Variants in WDR86 observed in about 807,000 individuals in gnomAD.
WDR86 encodes WD repeat-containing protein 86.
In WDR86, 30 loss-of-function variants were observed where a neutral mutation model predicts 36.5. The observed-to-expected ratio is 0.82, with a 90% CI of 0.61 to 1.11. The LOEUF is 1.11. Ranked by LOEUF, WDR86 falls within the 50% of genes most tolerant of loss-of-function variation. The probability of loss-of-function intolerance (pLI) is 0.00; values close to 1 mark genes in which losing one functional copy is unlikely to be tolerated. For synonymous variants in WDR86, 255 were observed against 252.9 expected (o/e 1.01, Z -0.08); for missense variants, 545 against 561.2 (o/e 0.97, Z 0.29).
At chr7:151,402,195 G>T (rs1036205615) in intron 1 of WDR86, among the ~76,000 whole-genome samples, 174 of 150,848 alleles carry the variant, frequency 1.2e-3, no homozygotes, top group African/African-American at 4.1e-3. Context: ...ACGAGCGCAG[G>T]AATGCCAGCA....
At chr7:151,394,830 T>G (rs1799692363) in intron 3 of WDR86, among the ~76,000 whole-genome samples, 1 of 152,216 alleles carries the variant, frequency 6.6e-6, no homozygotes, top group Admixed American at 6.5e-5. Flanking sequence ...CTCCTGCATC[T>G]GCAGGAAAGG....
intron 1 of WDR86, among the ~76,000 whole-genome samples, chr7:151,402,072 T>TATATATATATATATATATATATATAG (rs1563064814): frequency 1.5e-4 from 7 of 45,948 alleles, no homozygotes; most frequent in African/African-American, 8.0e-4. Context: ...AAAAAAAAAA[T>TATATATATATATATATATATATATAG]ATATATATAT....
chr7:151,376,692 G>A (rs1440911882), downstream of WDR86: 6 of 1,610,382 alleles, frequency 3.7e-6, no homozygotes, highest in South Asian at 6.6e-5. Context: ...GTGTTCAGAG[G>A]CAACGTCCAG....
Position 151,381,923 on chromosome 7 carries a change from C to A in WDR86, c.921G>T (p.Leu307=). ...ATGTGTGGCCCCGGAACACCCTCCG[C>A]AGCTCTCCAGACTGCGCGTCGAAGG... The part of the protein sequence containing the change: ...ARAFDAQSGE[L]RRVFRGHTFI... The change falls in exon 5 of 6, where the codon CTG becomes CTT. Residue 307 remains leucine (L), a synonymous_variant. Transcript: ENST00000334493. This position sits in a 1 kb window ranked among gnomAD's most constrained non-coding sequence, Gnocchi z 4.8. 1 of 1,610,632 alleles carries A rather than the reference C, an allele frequency of 6.2e-7. No homozygotes were observed. The highest frequency in any genetic ancestry group is 8.5e-7 in the Non-Finnish European group (1 of 1,178,916).
At chr7:151,384,525 G>A (rs544152530) in intron 4 of WDR86, among the ~76,000 whole-genome samples, 1 of 152,186 alleles carries the variant, frequency 6.6e-6, no homozygotes, top group East Asian at 1.9e-4. Context: ...GAATCATGAG[G>A]CTTCTTTAAA....
Position 151,385,156 on chromosome 7 carries a change from C to G in WDR86, c.794G>C (p.Gly265Ala). The G allele has an allele frequency of 6.2e-7, 1 of 1,613,172 alleles. No individual in the cohort carries two copies. The highest frequency in any genetic ancestry group is 1.3e-5 in the African/African-American group (1 of 75,056). ...RTVKCWLADT[G>A]ECVRTFTAHR... is the part of the protein sequence containing the mutation. ...GGCCGTGAACGTGCGCACACACTCC[C>G]CTGTGTCTGCCAGCCAGCACTTGAC... is the stretch of plus-strand genomic sequence containing the variant. Residue 265 changes from glycine to alanine, a missense_variant, in exon 4 of 6, where the codon GGG (glycine) becomes GCG (alanine). By Grantham distance (60) the Gly-to-Ala change is moderately conservative (BLOSUM62 0). Transcript: ENST00000334493.
intron 3 of WDR86, chr7:151,385,437 C>T (rs2150757763): frequency 1.3e-6 from 1 of 782,074 alleles, no homozygotes; most frequent in Non-Finnish European, 2.0e-6. Context: ...AGTGCTCCAA[C>T]AGGGCTGGCC....
chr7:151,390,347 C>CT lies in WDR86; in HGVS notation c.727-5125dup, dbSNP rs996132906. 8.5e-5 allele frequency among the ~76,000 whole-genome samples: 13 copies of CT among 152,184 alleles called. No homozygotes were observed. Among genetic ancestry groups the CT allele is most frequent in the Non-Finnish European group, 1.6e-4 (11 of 68,020 alleles). ...CAGGGGCAGCCATCGTGTGTCCCCACTTGGCAGATTGTGAAAAAGGAGTCC... is the reference window on the plus strand; with the variant it reads ...CAGGGGCAGCCATCGTGTGTCCCCACTTTGGCAGATTGTGAAAAAGGAGTCC... On this transcript the variant is annotated intron_variant, in intron 3 of 5. Transcript: ENST00000334493. The surrounding 1 kb of genome is among the most constrained non-coding windows in gnomAD (Gnocchi z 4.5).
chr7:151,409,768 C>T lies in WDR86; in HGVS notation c.-179G>A. The T allele has an allele frequency of 7.8e-7, 1 of 1,276,964 alleles. No individual in the cohort carries two copies. Among genetic ancestry groups the T allele is most frequent in the East Asian group, 3.2e-5 (1 of 31,204 alleles). 79.1% of individuals were successfully genotyped at this position (1,276,964 alleles called of 1,614,324 possible). On this transcript the variant is annotated 5_prime_UTR_variant, in exon 1 of 6. Coordinates refer to ENST00000334493, the MANE Select transcript of WDR86 (RefSeq NM_198285.3). The surrounding 1 kb of genome is among the most constrained non-coding windows in gnomAD (Gnocchi z 5.2). ...AAGGACCCTAGCTCCCCGCTGCCTC[C>T]AGCCTCTGGGCCCGCGAACCCAGGG...
At chr7:151,370,812 C>A in the WDR86 span, among the ~76,000 whole-genome samples, 2 of 150,802 alleles carry the variant, frequency 1.3e-5, no homozygotes, top group Admixed American at 1.3e-4. Context: ...TTTGTTCTTG[C>A]GATAGTTTAC....
In WDR86 at chr7:151,406,468, T is replaced by C. The variant is rs533947301; in HGVS notation, c.163+2959A>G. ...TCCAGGACCGGCCAACCACAGGCTC[T>C]TGTGGGCCCAGAGCTGTGCAAGGGC... On this transcript the variant is annotated intron_variant, in intron 1 of 5. Coordinates refer to ENST00000334493, the MANE Select transcript of WDR86 (RefSeq NM_198285.3). The surrounding 1 kb of genome is among the most constrained non-coding windows in gnomAD (Gnocchi z 4.4). 2.8e-4 allele frequency among the ~76,000 whole-genome samples: 43 copies of C among 152,292 alleles called. No individual in the cohort carries two copies. Among genetic ancestry groups the C allele is most frequent in the Non-Finnish European group, 5.7e-4 (39 of 68,014 alleles).
Position 151,409,661 on chromosome 7 carries a change from G to C in WDR86, c.-72C>G. On this transcript the variant is annotated 5_prime_UTR_variant, in exon 1 of 6. Transcript: ENST00000334493. The surrounding 1 kb of genome is among the most constrained non-coding windows in gnomAD (Gnocchi z 5.2). ...AGGGGCGCCCCGGGGTCCGCGCGGC[G>C]GCTCCGTACGACTGCGGCCCGCGGC... The C allele has an allele frequency of 7.6e-7, 1 of 1,313,648 alleles. No individual in the cohort carries two copies. Among genetic ancestry groups the C allele is most frequent in the Non-Finnish European group, 9.7e-7 (1 of 1,035,372 alleles). 81.4% of individuals were successfully genotyped at this position (1,313,648 alleles called of 1,614,324 possible).
At chr7:151,375,843 T>C (rs1489854392), downstream of WDR86, 1 of 1,599,008 alleles carries the variant, frequency 6.3e-7, no homozygotes, top group Non-Finnish European at 8.6e-7. Flanking sequence ...TCCTGTGTGT[T>C]TTAGATTCTG....
At chr7:151,375,347 G>A (rs868331586), downstream of WDR86, among the ~76,000 whole-genome samples, 1 of 152,156 alleles carries the variant, frequency 6.6e-6, no homozygotes, top group African/African-American at 2.4e-5. Context: ...AATTATACGA[G>A]TGGCACAAAA....
intron 3 of WDR86, among the ~76,000 whole-genome samples, chr7:151,389,671 C>T (rs1472260799): frequency 6.6e-6 from 1 of 152,124 alleles, no homozygotes; most frequent in Non-Finnish European, 1.5e-5. Flanking sequence ...TGTGTGAAGT[C>T]CTTTTGAAGA....
intron 2 of WDR86, among the ~76,000 whole-genome samples, chr7:151,397,703 G>A (rs1261666271): frequency 2.3e-5 from 3 of 130,904 alleles, no homozygotes; most frequent in Non-Finnish European, 4.7e-5. Flanking sequence ...GGGTGTAGTG[G>A]GAGGAAGGGC....
chr7:151,397,270 C>T (rs1460865658), intron 2 of WDR86, among the ~76,000 whole-genome samples: 1 of 152,260 alleles, frequency 6.6e-6, no homozygotes, highest in African/African-American at 2.4e-5. Context: ...CCACTCGGGA[C>T]AAGCCTGCTG....
rs1378632058 is a variant in WDR86 at position 151,388,468 on chromosome 7, C to G, written c.727-3245G>C. Among the ~76,000 whole-genome samples, 2 of 152,054 alleles carry G rather than the reference C, an allele frequency of 1.3e-5. No homozygotes were observed. Among genetic ancestry groups the G allele is most frequent in the Non-Finnish European group, 2.9e-5 (2 of 68,024 alleles). On this transcript the variant is annotated intron_variant, in intron 3 of 5. Transcript: ENST00000334493. This position sits in a 1 kb window ranked among gnomAD's most constrained non-coding sequence, Gnocchi z 4.2. ...GGGCTGCCCTGCAGCGCAGGGCCAC[C>G]ACAGACAGGGTGCCCCCTGGCTTTT...
At chr7:151,389,332 T>C (rs1585009620) in intron 3 of WDR86, among the ~76,000 whole-genome samples, 1 of 152,178 alleles carries the variant, frequency 6.6e-6, no homozygotes, top group East Asian at 1.9e-4. Context: ...CCTCTTTTCC[T>C]CCCCAGCCTC....
Sources: allele counts gnomAD v4.1 joint callset (sites outside exome capture counted in the v4.1 genomes callset), GRCh38; gene constraint gnomAD v4.1.1; non-coding constraint Gnocchi (gnomAD v3.1); transcripts MANE v1.5; gene names NCBI Gene and HGNC (gene_info 2026-07-23, HGNC 2026-07-21).